The following SCARA5 variants were observed in gnomAD, a reference collection of about 807,000 sequenced individuals.
The protein encoded by SCARA5 is scavenger receptor class A member 5, also known as scavenger receptor class A, member 5 (putative).
SCARA5 carries 45 observed loss-of-function variants against 46.3 expected under a neutral mutation model. The observed-to-expected ratio is 0.97, with a 90% CI of 0.76 to 1.24. The LOEUF (loss-of-function observed/expected upper bound fraction) is 1.24. SCARA5 is among the 50% of genes most tolerant of loss of function. The pLI is 0.00. For synonymous variants in SCARA5, 333 were observed against 306.5 expected (o/e 1.09, Z -0.90); for missense variants, 680 against 689.0 (o/e 0.99, Z 0.15).
chr8:27,890,329 G>A (rs1806961460), intron 7 of SCARA5, among the ~76,000 whole-genome samples: 1 of 152,210 alleles, frequency 6.6e-6, no homozygotes, highest in African/African-American at 2.4e-5. Context: ...ACAGTTTGAG[G>A]TTAAACCAGC....
intron 2 of SCARA5, among the ~76,000 whole-genome samples, chr8:27,986,019 GC>G (rs943303584): frequency 1.3e-5 from 2 of 152,176 alleles, no homozygotes; most frequent in African/African-American, 4.8e-5. Context: ...CACCCCTGAG[GC>G]CCCCCAGGCT....
At chr8:27,972,333 A>G (rs78442006) in intron 2 of SCARA5, among the ~76,000 whole-genome samples, 3 of 32,670 alleles carry the variant, frequency 9.2e-5, no homozygotes, top group Non-Finnish European at 2.0e-4. Flanking sequence ...ACAAAACAAA[A>G]CAAAACAAAA....
intron 8 of SCARA5, among the ~76,000 whole-genome samples, chr8:27,876,447 A>G (rs1806725219): frequency 1.3e-5 from 2 of 152,104 alleles, no homozygotes; most frequent in Admixed American, 6.5e-5. Context: ...GGACTCGGGG[A>G]CCAACCTGAT....
intron 6 of SCARA5, 65 bp downstream of exon 6, chr8:27,907,083 T>C: frequency 8.6e-7 from 1 of 1,164,714 alleles, no homozygotes; most frequent in African/African-American, 1.5e-5. Context: ...TGGTCCCCCA[T>C]GCCAATGCCC....
In SCARA5 at chr8:27,904,832, C is replaced by T. The variant is rs759163770; in HGVS notation, c.1099G>A (p.Asp367Asn). The T allele has an allele frequency of 6.2e-7, 1 of 1,607,250 alleles. No homozygotes were observed. The highest frequency in any genetic ancestry group is 1.1e-5 in the South Asian group (1 of 90,144). ...GPMGMRGFKG[D>N]RGPKGEKGEK... ...CCTTTCTCTCCTTTTGGGCCTCGGT[C>T]ACCTAAAACAGAGGAGGAAACTGGC... Residue 367 changes from aspartate to asparagine, a missense_variant and splice_region_variant, in exon 7 of 9, where the codon GAC becomes AAC. Transcript: ENST00000354914.
At chr8:27,886,438 T>G (rs1018827606) in intron 7 of SCARA5, among the ~76,000 whole-genome samples, 1 of 152,180 alleles carries the variant, frequency 6.6e-6, no homozygotes, top group African/African-American at 2.4e-5. Context: ...AAATCTCAGC[T>G]CTGTTACCAC....
chr8:27,926,494 G>A (rs975685918), intron 3 of SCARA5, among the ~76,000 whole-genome samples: 1 of 152,150 alleles, frequency 6.6e-6, no homozygotes, highest in African/African-American at 2.4e-5. Context: ...TATACCTAAT[G>A]TAAATGATGA....
At chr8:27,983,484 AC>A (rs1318729475) in intron 2 of SCARA5, among the ~76,000 whole-genome samples, 1 of 152,006 alleles carries the variant, frequency 6.6e-6, no homozygotes, top group Admixed American at 6.5e-5. Flanking sequence ...CATCAGTCCA[AC>A]CCCGTGAAAT....
intron 3 of SCARA5, among the ~76,000 whole-genome samples, chr8:27,947,744 A>G (rs1808061049): frequency 6.6e-6 from 1 of 150,816 alleles, no homozygotes. Flanking sequence ...GCATGGTGGC[A>G]CATGCCTGTG....
At position 27,880,604 on chromosome 8, in the gene SCARA5, G is replaced by C. The variant is rs568624070; in HGVS notation, c.1154-838C>G. ...CTTATGCTTATAATCCCAGCACTTTGGGAGACCAAGGCAGGAAGATCACTT... is the reference window on the plus strand; with the variant it reads ...CTTATGCTTATAATCCCAGCACTTTCGGAGACCAAGGCAGGAAGATCACTT... On this transcript the variant is annotated intron_variant, in intron 7 of 8. Coordinates refer to ENST00000354914, the MANE Select transcript of SCARA5 (RefSeq NM_173833.6). Among the ~76,000 whole-genome samples, 131 of 152,224 alleles carry C rather than the reference G, an allele frequency of 8.6e-4. 4 individuals are homozygous for C. The highest frequency in any genetic ancestry group is 5.9e-5 in the Non-Finnish European group (4 of 68,016).
intron 7 of SCARA5, among the ~76,000 whole-genome samples, chr8:27,884,231 A>G (rs1343623530): frequency 6.6e-6 from 1 of 152,224 alleles, no homozygotes; most frequent in East Asian, 1.9e-4. Flanking sequence ...CTGCAAATAC[A>G]AACTCATTCA....
intron 7 of SCARA5, among the ~76,000 whole-genome samples, chr8:27,892,413 C>A (rs184769248): frequency 3.3e-5 from 5 of 152,258 alleles, no homozygotes; most frequent in Admixed American, 2.6e-4. Flanking sequence ...ATCCCATGCA[C>A]CCATCTGAGA....
chr8:27,901,196 C>T (rs537803599), intron 7 of SCARA5, among the ~76,000 whole-genome samples: 1 of 152,276 alleles, frequency 6.6e-6, no homozygotes, highest in South Asian at 2.1e-4. Context: ...ACTTCCACGT[C>T]CCTAGTGAGG....
Position 27,907,454 on chromosome 8 carries a change from G to T in SCARA5, c.998-208C>A, listed in dbSNP as rs116047786. On this transcript the variant is annotated intron_variant, in intron 5 of 8. Coordinates refer to ENST00000354914, the MANE Select transcript of SCARA5 (RefSeq NM_173833.6). ...CCCATGCACACCTTGTATCCATCAGGCTTGGGATCCTCCTGCTAGAAAGGT... is the reference window on the plus strand; with the variant it reads ...CCCATGCACACCTTGTATCCATCAGTCTTGGGATCCTCCTGCTAGAAAGGT... 4.8e-3 allele frequency among the ~76,000 whole-genome samples: 724 copies of T among 152,228 alleles called. 6 individuals carry two copies. Among genetic ancestry groups the T allele is most frequent in the African/African-American group, 0.016 (681 of 41,506 alleles).
At chr8:27,958,679 G>A (rs186903271) in intron 3 of SCARA5, among the ~76,000 whole-genome samples, 143 of 152,358 alleles carry the variant, frequency 9.4e-4, no homozygotes, top group South Asian at 1.7e-3. Context: ...AACAGATCCA[G>A]CAGACTGCAA....
At chr8:27,939,090 G>A (rs1464173620) in intron 3 of SCARA5, among the ~76,000 whole-genome samples, 1 of 152,186 alleles carries the variant, frequency 6.6e-6, no homozygotes, top group East Asian at 1.9e-4. Flanking sequence ...TCTGACACAT[G>A]TATGAATTTT....
intron 7 of SCARA5, among the ~76,000 whole-genome samples, chr8:27,900,657 T>C (rs147881381): frequency 4.9e-4 from 75 of 152,254 alleles, no homozygotes; most frequent in Middle Eastern, 3.4e-3. Flanking sequence ...ATTCATGCTG[T>C]GGGACTTAAA....
chr8:27,912,606 G>A (rs1275973204), intron 4 of SCARA5, among the ~76,000 whole-genome samples: 1 of 152,238 alleles, frequency 6.6e-6, no homozygotes, highest in Non-Finnish European at 1.5e-5. Flanking sequence ...CTGCAGCAAA[G>A]GGAACTGGGA....
intron 8 of SCARA5, among the ~76,000 whole-genome samples, chr8:27,877,064 T>C (rs1360399361): frequency 6.6e-6 from 1 of 152,180 alleles, no homozygotes; most frequent in African/African-American, 2.4e-5. Flanking sequence ...GGGCTGGGCT[T>C]GGTCAGCTCT....
Sources: gnomAD v4.1 joint callset for allele counts (sites outside exome capture counted in the v4.1 genomes callset) on GRCh38, gnomAD v4.1.1 for gene constraint, MANE v1.5 for transcripts, NCBI Gene and HGNC (gene_info 2026-07-23, HGNC 2026-07-21) for gene names.